Variants in CLMP observed in about 807,000 individuals in gnomAD.
The protein encoded by CLMP is CXADR like cell adhesion molecule.
In CLMP, 27 loss-of-function variants were observed where a neutral mutation model predicts 45.2. The ratio of observed to expected loss-of-function variants is 0.60; its 90% CI spans 0.44 to 0.82. The LOEUF (loss-of-function observed/expected upper bound fraction) is 0.82. Ranked by LOEUF, CLMP falls within the 40% of genes least tolerant of loss-of-function variation. The pLI is 0.00. For missense variants in CLMP, 403 were observed against 448.4 expected, an observed-to-expected ratio of 0.90 and a Z score of 0.91; for synonymous variants, 167 against 171.4, an observed-to-expected ratio of 0.97 and a Z score of 0.20.
In CLMP at chr11:123,194,990, G is replaced by T; in HGVS notation, c.-50C>A. On this transcript the variant is annotated 5_prime_UTR_variant, in exon 1 of 7. Coordinates refer to ENST00000448775, the MANE Select transcript of CLMP (RefSeq NM_024769.5). Reference sequence around the variant, plus strand: ...CCCCGCTCAGCTGCTGCTTGGCTCCGGGGCGGCCGGGCGCCTCCGACGGAC... The same window carrying T: ...CCCCGCTCAGCTGCTGCTTGGCTCCTGGGCGGCCGGGCGCCTCCGACGGAC... 2 of 1,585,216 alleles carry T rather than the reference G, an allele frequency of 1.3e-6. No individual in the cohort carries two copies. The highest frequency in any genetic ancestry group is 1.1e-5 in the South Asian group (1 of 88,658).
chr11:123,076,877 T>C (rs1185436523), intron 5 of CLMP, among the ~76,000 whole-genome samples: 3 of 152,052 alleles, frequency 2.0e-5, no homozygotes, highest in East Asian at 1.9e-4. Flanking sequence ...CGTATAATAG[T>C]GCAGGCTGGA....
At chr11:123,151,461 T>C (rs969865964) in intron 1 of CLMP, among the ~76,000 whole-genome samples, 1 of 152,220 alleles carries the variant, frequency 6.6e-6, no homozygotes, top group Admixed American at 6.5e-5. Context: ...ACCTGCCCAC[T>C]CATTCATTCA....
At chr11:123,101,270 G>A (rs1235034481) in intron 1 of CLMP, among the ~76,000 whole-genome samples, 1 of 152,094 alleles carries the variant, frequency 6.6e-6, no homozygotes, top group Non-Finnish European at 1.5e-5. Context: ...CACACCGGCT[G>A]ATTTTTCTGT....
rs578055524 is a variant in CLMP, at chr11:123,174,684, G to A, written c.28+20229C>T. The stretch of plus-strand genomic sequence containing the variant: ...TCTAAAGGCCCTTCTGTCTAGAGGT[G>A]GCAACCTAATGTCCTTTATATTCTC... On this transcript the variant is annotated intron_variant, in intron 1 of 6. Transcript: ENST00000448775. Among the ~76,000 whole-genome samples, 23 of 152,194 alleles carry A rather than the reference G, an allele frequency of 1.5e-4. No individual in the cohort carries two copies. In the East Asian group the frequency reaches 4.1e-3, roughly 27 times the overall value.
intron 1 of CLMP, among the ~76,000 whole-genome samples, chr11:123,144,483 T>C (rs999164199): frequency 5.9e-5 from 9 of 152,216 alleles, no homozygotes; most frequent in South Asian, 2.1e-4. Context: ...GCGATTCTCC[T>C]GTCTCAGCTT....
chr11:123,083,049 CAG>C (rs747110478), intron 5 of CLMP, 34 bp downstream of exon 5: 7 of 1,610,400 alleles, frequency 4.3e-6, no homozygotes, highest in Non-Finnish European at 5.9e-6. Context: ...CAAAAACAAA[CAG>C]AAAAATGAAA....
At chr11:123,126,948 T>C (rs1192554580) in intron 1 of CLMP, among the ~76,000 whole-genome samples, 1 of 151,616 alleles carries the variant, frequency 6.6e-6, no homozygotes, top group Non-Finnish European at 1.5e-5. Context: ...ATGACACTTA[T>C]AATTGTATGA....
At chr11:123,151,197 C>T (rs1179221867) in intron 1 of CLMP, among the ~76,000 whole-genome samples, 1 of 152,212 alleles carries the variant, frequency 6.6e-6, no homozygotes, top group Non-Finnish European at 1.5e-5. Context: ...GGAGAGGGAA[C>T]CATTGGTTTC....
chr11:123,085,445 C>T (rs1167320795), intron 2 of CLMP, among the ~76,000 whole-genome samples: 2 of 151,854 alleles, frequency 1.3e-5, no homozygotes, highest in African/African-American at 4.8e-5. Context: ...GACAGGGTTT[C>T]GCCATGTTGG....
At chr11:123,137,247 G>T (rs1255429672) in intron 1 of CLMP, among the ~76,000 whole-genome samples, 1 of 141,700 alleles carries the variant, frequency 7.1e-6, no homozygotes, top group Non-Finnish European at 1.5e-5. Context: ...TCCGCCTCCC[G>T]GGTTCACGCC....
chr11:123,112,332 CTTTTTCTTTTT>C (rs919144077), intron 1 of CLMP, among the ~76,000 whole-genome samples: 34 of 148,090 alleles, frequency 2.3e-4, no homozygotes, highest in African/African-American at 8.1e-4. Context: ...CTTTCTTTTT[CTTTTTCTTTTT>C]TTTTTTTTTT....
intron 1 of CLMP, among the ~76,000 whole-genome samples, chr11:123,126,664 G>A (rs550637475): frequency 2.6e-5 from 4 of 152,128 alleles, no homozygotes; most frequent in Admixed American, 6.6e-5. Flanking sequence ...TTGGGAGGCC[G>A]AGGTGGGTGG....
At chr11:123,116,726 C>T (rs1049912905) in intron 1 of CLMP, among the ~76,000 whole-genome samples, 8 of 152,174 alleles carry the variant, frequency 5.3e-5, no homozygotes, top group African/African-American at 1.9e-4. Flanking sequence ...TAGGTTATGA[C>T]ATGAATTCTT....
chr11:123,127,790 A>G (rs1271685825), intron 1 of CLMP, among the ~76,000 whole-genome samples: 1 of 152,158 alleles, frequency 6.6e-6, no homozygotes. Flanking sequence ...TAATTCCAGC[A>G]CTTTGGGAGG....
chr11:123,080,326 C>G (rs1461204465), intron 5 of CLMP, among the ~76,000 whole-genome samples: 2 of 136,280 alleles, frequency 1.5e-5, no homozygotes, highest in African/African-American at 5.5e-5. Flanking sequence ...TGAAGGTGTA[C>G]TTTTTTTTTT....
intron 4 of CLMP, 54 bp downstream of exon 4, chr11:123,083,626 C>T (rs1865828923): frequency 1.9e-6 from 3 of 1,571,086 alleles, no homozygotes; most frequent in Admixed American, 1.7e-5. Context: ...ATTTAGAGCT[C>T]ACGGATAGAG....
In CLMP at chr11:123,184,572, C is replaced by T. The variant is rs186965341; in HGVS notation, c.28+10341G>A. On this transcript the variant is annotated intron_variant, in intron 1 of 6. Coordinates refer to ENST00000448775, the MANE Select transcript of CLMP (RefSeq NM_024769.5). Reference sequence around the variant, plus strand: ...AGAGGGCCTTAAACTCCATGCACCACGGAAGGAGCTCCTGAATTGGCTCAG... The same window carrying T: ...AGAGGGCCTTAAACTCCATGCACCATGGAAGGAGCTCCTGAATTGGCTCAG... Among the ~76,000 whole-genome samples the T allele has an allele frequency of 3.9e-4, 59 of 152,238 alleles. 1 individual carries two copies. The East Asian group carries it at 0.01, about 26-fold the overall frequency.
chr11:123,103,108 A>G (rs1334804697), intron 1 of CLMP, among the ~76,000 whole-genome samples: 1 of 152,310 alleles, frequency 6.6e-6, no homozygotes, highest in African/African-American at 2.4e-5. Context: ...TTAGCGGCAG[A>G]AATAACCCAT....
chr11:123,103,215 G>A (rs1238721738), intron 1 of CLMP, among the ~76,000 whole-genome samples: 2 of 152,164 alleles, frequency 1.3e-5, no homozygotes, highest in African/African-American at 4.8e-5. Flanking sequence ...TTGTTAAGAA[G>A]GAGCTTTGTA....
Sources: gnomAD v4.1 joint callset for allele counts (sites outside exome capture counted in the v4.1 genomes callset) on GRCh38, gnomAD v4.1.1 for gene constraint, MANE v1.5 for transcripts, NCBI Gene and HGNC (gene_info 2026-07-23, HGNC 2026-07-21) for gene names.